Variants in ECT2L observed in about 807,000 individuals in gnomAD.
ECT2L encodes the protein epithelial cell-transforming sequence 2 oncogene-like.
A neutral mutation model predicts 122.8 loss-of-function variants in ECT2L; 126 were observed. The ratio of observed to expected loss-of-function variants is 1.03; its 90% CI spans 0.89 to 1.19. ECT2L has a LOEUF of 1.19. Among genes scored for constraint, ECT2L ranks in the 50% most tolerant of loss-of-function variants. The probability of loss-of-function intolerance (pLI) is 0.00; values close to 1 mark genes in which losing one functional copy is unlikely to be tolerated. For synonymous variants in ECT2L, 385 were observed against 381.8 expected, an observed-to-expected ratio of 1.01 and a Z score of -0.10; for missense variants, 1,012 against 1,064.1, an observed-to-expected ratio of 0.95 and a Z score of 0.68.
chr6:138,873,387 T>C (rs868668443), intron 13 of ECT2L, among the ~76,000 whole-genome samples: 3 of 152,198 alleles, frequency 2.0e-5, no homozygotes, highest in African/African-American at 4.8e-5. Flanking sequence ...AGGATAAAAA[T>C]AGAAAAGCTG....
At chr6:138,810,846 A>G (rs1408195332) in intron 1 of ECT2L, among the ~76,000 whole-genome samples, 1 of 152,142 alleles carries the variant, frequency 6.6e-6, no homozygotes, top group Non-Finnish European at 1.5e-5. Context: ...CTATAGAGAG[A>G]CCCTTGTGAA....
At chr6:138,871,194 A>G (rs1053357557) in intron 13 of ECT2L, among the ~76,000 whole-genome samples, 2 of 152,216 alleles carry the variant, frequency 1.3e-5, no homozygotes, top group Non-Finnish European at 2.9e-5. Context: ...ACTGATTTCT[A>G]TGTAGGGGAA....
At chr6:138,802,858 C>A in intron 1 of ECT2L, among the ~76,000 whole-genome samples, 1 of 152,068 alleles carries the variant, frequency 6.6e-6, no homozygotes, top group East Asian at 1.9e-4. Flanking sequence ...GGGTGGATCA[C>A]TTGAGGCCAG....
chr6:138,830,354 G>A (rs978836070), intron 4 of ECT2L, among the ~76,000 whole-genome samples: 2 of 152,106 alleles, frequency 1.3e-5, no homozygotes, highest in Admixed American at 1.3e-4. Flanking sequence ...CTGCTTCAAC[G>A]ACTTAGCTTT....
intron 4 of ECT2L, among the ~76,000 whole-genome samples, chr6:138,817,566 A>G (rs2128375654): frequency 6.6e-6 from 1 of 152,342 alleles, no homozygotes; most frequent in South Asian, 2.1e-4. Flanking sequence ...AGTTATAAAC[A>G]GGGTATTGCA....
At chr6:138,864,246 C>T (rs569536315) in intron 11 of ECT2L, among the ~76,000 whole-genome samples, 21 of 152,066 alleles carry the variant, frequency 1.4e-4, no homozygotes, top group Admixed American at 4.6e-4. Flanking sequence ...TGCCTGAACC[C>T]GGGAGGCGAA....
chr6:138,855,958 A>G (rs757667999), intron 10 of ECT2L, among the ~76,000 whole-genome samples: 37 of 152,346 alleles, frequency 2.4e-4, no homozygotes, highest in South Asian at 6.2e-4. Flanking sequence ...GTCTCAAGTG[A>G]AACTTAATGA....
chr6:138,868,053 C>T, intron 12 of ECT2L, 50 bp from the exon 13 acceptor site: 1 of 872,466 alleles, frequency 1.1e-6, no homozygotes, highest in African/African-American at 1.8e-5. Flanking sequence ...GTTTTTAAAT[C>T]ACATTTCTTA....
chr6:138,849,590 T>TTTGA (rs1345215864), intron 9 of ECT2L, among the ~76,000 whole-genome samples, 156 bp downstream of exon 9: 262 of 149,150 alleles, frequency 1.8e-3, no homozygotes, highest in African/African-American at 6.3e-3. Flanking sequence ...TTTTTTTTTT[T>TTTGA]AATTCAGGGT....
At chr6:138,810,963 A>C (rs1775871777) in intron 1 of ECT2L, among the ~76,000 whole-genome samples, 1 of 152,210 alleles carries the variant, frequency 6.6e-6, no homozygotes, top group Admixed American at 6.5e-5. Flanking sequence ...ATGGGAAAGG[A>C]AAGGAACTGT....
chr6:138,863,997 G>T (rs1162540810), intron 11 of ECT2L, among the ~76,000 whole-genome samples: 1 of 65,762 alleles, frequency 1.5e-5, no homozygotes, highest in Non-Finnish European at 2.4e-5. Flanking sequence ...CTCATTCTCC[G>T]TATTTAAAAA....
chr6:138,862,950 A>C (rs1402251596), intron 11 of ECT2L, among the ~76,000 whole-genome samples: 1 of 152,250 alleles, frequency 6.6e-6, no homozygotes, highest in Non-Finnish European at 1.5e-5. Flanking sequence ...CATCATTTTC[A>C]AAAACTGTTG....
chr6:138,880,999 G>A lies in ECT2L; in HGVS notation c.1708G>A (p.Val570Ile). 3 of 1,614,144 alleles carry A rather than the reference G, an allele frequency of 1.9e-6. No individual in the cohort carries two copies. The highest frequency in any genetic ancestry group is 1.1e-5 in the South Asian group (1 of 91,084). The change falls in exon 15 of 22, where the codon GTT becomes ATT. Residue 570 changes from valine to isoleucine, a missense_variant. By Grantham distance (29) the Val-to-Ile change is conservative (BLOSUM62 3). Coordinates refer to ENST00000541398, the MANE Select transcript of ECT2L (RefSeq NM_001077706.3). ...QKDSAEKRAR[V>I]VRELLQSERK... ...GGACTCAGCAGAAAAGCGAGCTAGA[G>A]TTGTCAGAGAACTCTTACAGAGTGA...
intron 7 of ECT2L, 111 bp from the exon 8 acceptor site, chr6:138,846,428 G>C: frequency 9.8e-7 from 1 of 1,025,480 alleles, no homozygotes; most frequent in Non-Finnish European, 1.3e-6. Context: ...AAGGCATGGA[G>C]GCCACGTGCC....
At chr6:138,842,291 T>A (rs1777065765) in intron 5 of ECT2L, among the ~76,000 whole-genome samples, 2 of 130,360 alleles carry the variant, frequency 1.5e-5, no homozygotes, top group South Asian at 5.5e-4. Context: ...AAACCCCGCC[T>A]CTAGTAAAAA....
At chr6:138,882,536 CT>C (rs1250929389) in intron 15 of ECT2L, among the ~76,000 whole-genome samples, 187 bp from the exon 16 acceptor site, 2 of 152,200 alleles carry the variant, frequency 1.3e-5, no homozygotes, top group African/African-American at 4.8e-5. Context: ...CCCGGCCAAC[CT>C]ACTCCTTCAC....
At chr6:138,867,090 C>CA (rs571614328) in intron 12 of ECT2L, among the ~76,000 whole-genome samples, 1 of 151,028 alleles carries the variant, frequency 6.6e-6, no homozygotes, top group Non-Finnish European at 1.5e-5. Context: ...AACAAAAAAA[C>CA]AAAAAAACAA....
At chr6:138,817,476 C>A (rs1181544453) in intron 4 of ECT2L, among the ~76,000 whole-genome samples, 2 of 152,088 alleles carry the variant, frequency 1.3e-5, no homozygotes, top group Non-Finnish European at 2.9e-5. Flanking sequence ...TATATTTGTG[C>A]AATACCTTTC....
rs1314384484 is a variant in ECT2L, at chr6:138,865,068, A to G, written c.1364A>G (p.Gln455Arg). The G allele has an allele frequency of 3.7e-6, 6 of 1,614,054 alleles. No individual in the cohort carries two copies. The Admixed American group carries it at 1.0e-4, about 27-fold the overall frequency. Residue 455 changes from glutamine (Q) to arginine (R), a missense_variant, in exon 12 of 22, where the codon CAG (glutamine) becomes CGG (arginine). Coordinates refer to ENST00000541398, the MANE Select transcript of ECT2L (RefSeq NM_001077706.3). ...ATCTACTTCTGCGAATCGAAGCTAC[A>G]GACGTGGTCCAGCTTCACAGACTTC... ...SSIYFCESKLQTWSSFTDFLE... is the reference protein window; with the variant it reads ...SSIYFCESKLRTWSSFTDFLE...
Sources: allele counts gnomAD v4.1 joint callset (sites outside exome capture counted in the v4.1 genomes callset), GRCh38; gene constraint gnomAD v4.1.1; transcripts MANE v1.5; gene names NCBI Gene and HGNC (gene_info 2026-07-23, HGNC 2026-07-21).